The following ZNF799 variants were observed in gnomAD, a reference collection of about 807,000 sequenced individuals.
ZNF799 encodes the protein zinc finger protein 799, also known as zinc finger protein 14.
Under a neutral mutation model 41.0 loss-of-function variants are expected in ZNF799, and 28 were observed. The observed-to-expected ratio is 0.68, with a 90% confidence interval of 0.51 to 0.94. The LOEUF (loss-of-function observed/expected upper bound fraction) is 0.94, where lower values mean the gene tolerates loss of function less well. ZNF799 is among the 40% of genes least tolerant of loss of function. ZNF799 has a pLI of 0.00. For synonymous variants in ZNF799, 213 were observed against 252.9 expected (o/e 0.84, Z 1.50); for missense variants, 716 against 764.3 (o/e 0.94, Z 0.74).
chr19:12,405,910 C>T (rs1970025997), upstream of ZNF799, among the ~76,000 whole-genome samples: 1 of 152,134 alleles, frequency 6.6e-6, no homozygotes, highest in Admixed American at 6.5e-5. Context: ...CGCGATGGCT[C>T]ATACCTGTAA....
the ZNF799 span, among the ~76,000 whole-genome samples, chr19:12,414,577 A>G: frequency 6.6e-6 from 1 of 152,216 alleles, no homozygotes; most frequent in Non-Finnish European, 1.5e-5. Flanking sequence ...GCTGCTGGCG[A>G]CATGGCCAAG....
chr19:12,390,928 G>T lies in ZNF799; in HGVS notation c.1470C>A (p.Tyr490Ter). The change falls in exon 4 of 4, where the codon TAC (tyrosine) becomes TAA (stop). Residue 490 changes from tyrosine to a stop codon, truncating the protein, a stop_gained. Transcript: ENST00000430385. LOFTEE classifies it high-confidence loss of function. The stretch of plus-strand genomic sequence containing the variant: ...TGTGAGTCCTTCTATGTTGAGAAAG[G>T]TATTGGAAACAACTGAATGCTTTCC... ...ECGKAFSCFQ[Y>*]LSQHRRTHTG... is the part of the protein sequence containing the mutation. 1 of 1,613,874 alleles carries T rather than the reference G, an allele frequency of 6.2e-7. No homozygotes were observed. The highest frequency in any genetic ancestry group is 1.1e-5 in the South Asian group (1 of 91,066).
chr19:12,411,776 C>A, the ZNF799 span, among the ~76,000 whole-genome samples: 1 of 152,004 alleles, frequency 6.6e-6, no homozygotes, highest in Non-Finnish European at 1.5e-5. Context: ...CCACACCCCG[C>A]TAATTTTTGT....
chr19:12,408,344 GA>G, the ZNF799 span, among the ~76,000 whole-genome samples: 1 of 151,816 alleles, frequency 6.6e-6, no homozygotes, highest in Non-Finnish European at 1.5e-5. Context: ...AAAGGAGGCA[GA>G]AAAAAAGAAG....
Position 12,390,701 on chromosome 19 carries a change from C to A in ZNF799, c.1697G>T (p.Gly566Val). 1 of 1,613,576 alleles carries A rather than the reference C, an allele frequency of 6.2e-7. No individual in the cohort carries two copies. Among genetic ancestry groups the A allele is most frequent in the Non-Finnish European group, 8.5e-7 (1 of 1,179,832 alleles). Residue 566 changes from glycine to valine, a missense_variant, in exon 4 of 4, where the codon GGT becomes GTT. Physicochemically the swap from Gly to Val is moderately radical, Grantham distance 109 (BLOSUM62 -3). This residue lies in a region of ZNF799 where 698 missense variants were observed against 713.6 expected (regional missense o/e 0.98). Transcript: ENST00000430385. ...AAAACGGGAATGAGTGAAGGCTTTACCACATTGTTGACACTCATAGGGTTT... is the reference window on the plus strand; with the variant it reads ...AAAACGGGAATGAGTGAAGGCTTTAACACATTGTTGACACTCATAGGGTTT... ...REKPYECQQC[G>V]KAFTHSRFLQ... is the part of the protein sequence containing the mutation.
chr19:12,402,441 T>C (rs1019943366), upstream of ZNF799, among the ~76,000 whole-genome samples: 3 of 148,632 alleles, frequency 2.0e-5, no homozygotes, highest in Non-Finnish European at 3.0e-5. Context: ...TTTGGACTTA[T>C]TGCTCTAGCT....
the ZNF799 span, among the ~76,000 whole-genome samples, chr19:12,414,514 T>A: frequency 3.3e-5 from 5 of 152,174 alleles, no homozygotes; most frequent in Non-Finnish European, 5.9e-5. Context: ...CAGGCCACCC[T>A]GCAGCAGGAG....
intron 1 of ZNF799, chr19:12,394,869 A>G: frequency 1.0e-6 from 1 of 985,162 alleles, no homozygotes; most frequent in Non-Finnish European, 1.2e-6. Flanking sequence ...CAAATAAAGG[A>G]TTTTATTTGG....
At chr19:12,398,450 G>T (rs1969931711) in intron 1 of ZNF799, among the ~76,000 whole-genome samples, 2 of 152,112 alleles carry the variant, frequency 1.3e-5, no homozygotes. Context: ...GGGTGGGAAG[G>T]AAATTGTAAG....
rs774353444 is a variant in ZNF799, at chr19:12,390,839, T to C, written c.1559A>G (p.Lys520Arg). 8.1e-6 allele frequency: 13 copies of C among 1,614,130 alleles called. No individual in the cohort carries two copies. Among genetic ancestry groups the C allele is most frequent in the East Asian group, 2.2e-5 (1 of 44,856 alleles). ...TCCAGAGTGAATTCTTTCATGTACT[T>C]TTAAGTTACCAAAATGACTGAAGGC... ...KKAFSHFGNL[K>R]VHERIHSGEK... The change falls in exon 4 of 4, where the codon AAA (lysine) becomes AGA (arginine). Residue 520 changes from lysine to arginine, a missense_variant. By Grantham distance (26) the Lys-to-Arg change is conservative (BLOSUM62 2). This residue lies in a region of ZNF799 where 698 missense variants were observed against 713.6 expected (regional missense o/e 0.98). Transcript: ENST00000430385.
the ZNF799 span, among the ~76,000 whole-genome samples, chr19:12,408,841 G>C: frequency 1.8e-4 from 27 of 152,140 alleles, no homozygotes; most frequent in South Asian, 8.3e-4. Context: ...CAAGACCAGT[G>C]TGGCCAACAT....
chr19:12,395,259 A>G (rs1029891960), intron 1 of ZNF799: 1 of 150,568 alleles, frequency 6.6e-6, no homozygotes, highest in African/African-American at 2.5e-5. Flanking sequence ...ACCCAGCCTC[A>G]GCCTCCTGAG....
chr19:12,401,141 A>G lies in ZNF799; in HGVS notation c.-71T>C. ...GCCAATGCGGGTTCCCGCGGGACAC[A>G]GGCTGCCACGGAACTTCCAGGTCGT... is the stretch of plus-strand genomic sequence containing the variant. On this transcript the variant is annotated 5_prime_UTR_variant, in exon 1 of 4. Coordinates refer to ENST00000430385, the MANE Select transcript of ZNF799 (RefSeq NM_001080821.3). The G allele has an allele frequency of 6.2e-7, 1 of 1,611,628 alleles. No individual in the cohort carries two copies. The highest frequency in any genetic ancestry group is 8.5e-7 in the Non-Finnish European group (1 of 1,179,236).
At chr19:12,411,819 G>C in the ZNF799 span, among the ~76,000 whole-genome samples, 1 of 152,028 alleles carries the variant, frequency 6.6e-6, no homozygotes, top group Non-Finnish European at 1.5e-5. Context: ...TACCATGTTG[G>C]TCAGGCTGGT....
rs1484481891 is a variant in ZNF799 at position 12,391,112 on chromosome 19, G to A, written c.1286C>T (p.Ala429Val). 2 of 1,614,158 alleles carry A rather than the reference G, an allele frequency of 1.2e-6. No individual in the cohort carries two copies. The highest frequency in any genetic ancestry group is 1.7e-6 in the Non-Finnish European group (2 of 1,180,000). The change falls in exon 4 of 4, where the codon GCC becomes GTC. Residue 429 changes from alanine (A) to valine (V), a missense_variant. Transcript: ENST00000430385. ...TCGAAGAGAACTGGAAATACGGTAG[G>A]CTTTGCCACATTGTTTACATTTATA... ...KPYKCKQCGKAYRISSSLRRH... is the reference protein window; with the variant it reads ...KPYKCKQCGKVYRISSSLRRH...
the ZNF799 span, among the ~76,000 whole-genome samples, chr19:12,414,806 AC>A: frequency 3.3e-5 from 5 of 152,140 alleles, no homozygotes; most frequent in Admixed American, 6.5e-5. Context: ...AGGAGGTCAA[AC>A]AGATTCCCAA....
the ZNF799 span, among the ~76,000 whole-genome samples, chr19:12,411,502 T>C: frequency 2.6e-5 from 4 of 152,078 alleles, no homozygotes; most frequent in African/African-American, 9.7e-5. Flanking sequence ...AAGAGAAAAA[T>C]CAATTTTCTG....
chr19:12,408,373 C>G, the ZNF799 span, among the ~76,000 whole-genome samples: 5 of 152,084 alleles, frequency 3.3e-5, no homozygotes, highest in East Asian at 9.6e-4. Context: ...AACAGACAAA[C>G]ATAACACAAT....
chr19:12,401,541 CTTTTTTTTTTTT>C (rs769048606), upstream of ZNF799, among the ~76,000 whole-genome samples: 2 of 41,728 alleles, frequency 4.8e-5, no homozygotes, highest in Admixed American at 4.0e-4. Context: ...AACAATTATA[CTTTTTTTTTTTT>C]TTTTTTTTTT....
Sources: allele counts gnomAD v4.1 joint callset (sites outside exome capture counted in the v4.1 genomes callset), GRCh38; gene constraint gnomAD v4.1.1; regional missense constraint gnomAD v4.1.1; transcripts MANE v1.5; gene names NCBI Gene and HGNC (gene_info 2026-07-23, HGNC 2026-07-21).